The following SLC60A2 variants were observed in gnomAD, a reference collection of about 807,000 sequenced individuals.
The protein encoded by SLC60A2 is major facilitator superfamily domain containing 4B.
At chr6:111,261,412 C>T in the SLC60A2 span, among the ~76,000 whole-genome samples, 1 of 152,102 alleles carries the variant, frequency 6.6e-6, no homozygotes, top group Non-Finnish European at 1.5e-5. Context: ...CTCAGCCTCC[C>T]TAGTAACTGG....
the SLC60A2 span, among the ~76,000 whole-genome samples, chr6:111,276,196 A>G: frequency 6.6e-6 from 1 of 152,190 alleles, no homozygotes; most frequent in African/African-American, 2.4e-5. Context: ...TGTTGCTTCT[A>G]CATTTTGGCT....
At chr6:111,270,639 A>C in the SLC60A2 span, 3 of 152,314 alleles carry the variant, frequency 2.0e-5, no homozygotes, top group East Asian at 5.8e-4. Flanking sequence ...CAGGAGATCA[A>C]GACCATCCTG....
At chr6:111,263,143 G>T in the SLC60A2 span, among the ~76,000 whole-genome samples, 1 of 152,082 alleles carries the variant, frequency 6.6e-6, no homozygotes, top group East Asian at 1.9e-4. Context: ...TCACCATGTT[G>T]CCCAGGTTGG....
the SLC60A2 span, among the ~76,000 whole-genome samples, chr6:111,265,632 T>C: frequency 1.3e-5 from 2 of 152,194 alleles, no homozygotes; most frequent in African/African-American, 4.8e-5. Flanking sequence ...TAGGAGGTAG[T>C]AGTCTACTAG....
chr6:111,263,928 A>C, the SLC60A2 span: 1 of 1,592,682 alleles, frequency 6.3e-7, no homozygotes, highest in South Asian at 1.1e-5. Flanking sequence ...CGGTGTTTCA[A>C]TTGGCATTCT....
the SLC60A2 span, among the ~76,000 whole-genome samples, chr6:111,264,396 A>G: frequency 6.8e-6 from 1 of 146,342 alleles, no homozygotes; most frequent in African/African-American, 2.5e-5. Context: ...GCCAAGAGAG[A>G]TCCATAGTGT....
the SLC60A2 span, chr6:111,266,413 T>G: frequency 1.1e-5 from 18 of 1,614,120 alleles, no homozygotes; most frequent in Non-Finnish European, 1.5e-5. Context: ...TGCAGGGGCC[T>G]GGCAATCTTT....
At chr6:111,274,478 C>A in the SLC60A2 span, among the ~76,000 whole-genome samples, 1 of 152,046 alleles carries the variant, frequency 6.6e-6, no homozygotes, top group African/African-American at 2.4e-5. Context: ...TTCAGTCTTT[C>A]TATAACTTTT....
chr6:111,278,875 A>G, the SLC60A2 span: 1 of 152,222 alleles, frequency 6.6e-6, no homozygotes, highest in Non-Finnish European at 1.5e-5. Context: ...CATAAGCTCC[A>G]GAAGGAAAGA....
At chr6:111,265,011 T>C in the SLC60A2 span, among the ~76,000 whole-genome samples, 4 of 152,142 alleles carry the variant, frequency 2.6e-5, no homozygotes, top group Admixed American at 2.0e-4. Context: ...GAGAATTGCT[T>C]GAACCCAGGA....
chr6:111,274,604 C>CTT, the SLC60A2 span, among the ~76,000 whole-genome samples: 124,657 of 151,964 alleles, frequency 0.82, 51,331 homozygotes, highest in Non-Finnish European at 0.86. Context: ...TTTTTCCTCT[C>CTT]AATGTTTATC....
chr6:111,273,496 G>GTTT, the SLC60A2 span, among the ~76,000 whole-genome samples: 25 of 109,866 alleles, frequency 2.3e-4, no homozygotes, highest in Non-Finnish European at 2.5e-4. Context: ...TGAGATTTGT[G>GTTT]TTTTTTTTTT....
At chr6:111,271,775 TAAAAAAAAAAAA>T in the SLC60A2 span, among the ~76,000 whole-genome samples, 34 of 18,852 alleles carry the variant, frequency 1.8e-3, no homozygotes, top group East Asian at 4.5e-3. Flanking sequence ...CCATCTCTAC[TAAAAAAAAAAAA>T]AAAAAAAAAA....
chr6:111,268,808 G>A, the SLC60A2 span: 35 of 152,344 alleles, frequency 2.3e-4, no homozygotes, highest in African/African-American at 7.9e-4. Flanking sequence ...TCTCTTTCCT[G>A]AGTCTGAAAT....
At chr6:111,277,146 A>G in the SLC60A2 span, among the ~76,000 whole-genome samples, 3 of 152,234 alleles carry the variant, frequency 2.0e-5, no homozygotes, top group Non-Finnish European at 2.9e-5. Context: ...TCAAAAGGGA[A>G]TGTCCACTGT....
the SLC60A2 span, among the ~76,000 whole-genome samples, chr6:111,272,434 A>G: frequency 6.6e-6 from 1 of 152,002 alleles, no homozygotes. Flanking sequence ...AGCTGTTTTC[A>G]GTTATATACT....
the SLC60A2 span, among the ~76,000 whole-genome samples, chr6:111,276,014 TG>T: frequency 1.3e-5 from 2 of 152,200 alleles, no homozygotes; most frequent in South Asian, 4.1e-4. Context: ...TTCATATAAG[TG>T]GGATCATACA....
chr6:111,272,513 T>A, the SLC60A2 span, among the ~76,000 whole-genome samples: 2 of 150,552 alleles, frequency 1.3e-5, no homozygotes, highest in East Asian at 1.9e-4. Flanking sequence ...AACTGTATTT[T>A]TTTTTTTTTT....
the SLC60A2 span, among the ~76,000 whole-genome samples, chr6:111,275,407 A>T: frequency 6.8e-6 from 1 of 146,908 alleles, no homozygotes; most frequent in Non-Finnish European, 1.5e-5. Flanking sequence ...AGCTCAGAAC[A>T]ACTTTTTTTT....
Sources: gnomAD v4.1 joint callset for allele counts (sites outside exome capture counted in the v4.1 genomes callset) on GRCh38, gnomAD v4.1.1 for gene constraint, MANE v1.5 for transcripts, NCBI Gene and HGNC (gene_info 2026-07-23, HGNC 2026-07-21) for gene names.